Variants in NRXN3 observed in about 807,000 individuals in gnomAD.
NRXN3 encodes neurexin III.
Under a neutral mutation model 137.6 loss-of-function variants are expected in NRXN3, and 32 were observed. The observed-to-expected ratio is 0.23, with a 90% CI of 0.18 to 0.31. The LOEUF (loss-of-function observed/expected upper bound fraction) is 0.31. Ranked by LOEUF, NRXN3 falls within the 10% of genes least tolerant of loss-of-function variation. The pLI is 1.00. For missense variants in NRXN3, 1,574 were observed against 2,062.5 expected, an observed-to-expected ratio of 0.76 and a Z score of 4.59; for synonymous variants, 798 against 784.5, an observed-to-expected ratio of 1.02 and a Z score of -0.29.
chr14:79,652,541 G>A (rs1017057743), intron 16 of NRXN3, among the ~76,000 whole-genome samples: 2 of 152,036 alleles, frequency 1.3e-5, no homozygotes, highest in African/African-American at 4.8e-5. Context: ...TTATACTTTG[G>A]TAGGGATACT....
At chr14:79,340,739 C>T (rs1048776842) in intron 15 of NRXN3, among the ~76,000 whole-genome samples, 19 of 152,224 alleles carry the variant, frequency 1.2e-4, no homozygotes, top group African/African-American at 4.6e-4. Context: ...GCTGGGATTA[C>T]AGGCGTAAGC....
At chr14:79,231,201 G>C (rs1245914338) in intron 15 of NRXN3, among the ~76,000 whole-genome samples, 1 of 152,024 alleles carries the variant, frequency 6.6e-6, no homozygotes, top group African/African-American at 2.4e-5. Context: ...TTATTTTATT[G>C]GGTAGAAGAA....
intron 16 of NRXN3, among the ~76,000 whole-genome samples, chr14:79,608,076 G>A (rs2098046345): frequency 6.6e-6 from 1 of 152,146 alleles, no homozygotes; most frequent in African/African-American, 2.4e-5. Context: ...TCAACATCTG[G>A]TTTTATTGAT....
intron 16 of NRXN3, among the ~76,000 whole-genome samples, chr14:79,633,564 A>G (rs1290778583): frequency 6.8e-6 from 1 of 146,656 alleles, no homozygotes; most frequent in Admixed American, 6.7e-5. Flanking sequence ...TGCTCAATAA[A>G]TATTTATCAA....
At chr14:79,632,724 T>C (rs80170917) in intron 16 of NRXN3, among the ~76,000 whole-genome samples, 30 of 151,912 alleles carry the variant, frequency 2.0e-4, no homozygotes, top group Non-Finnish European at 3.8e-4. Flanking sequence ...AAGTATTTTA[T>C]ATATATTATT....
At chr14:78,443,050 A>G (rs1387001373) in intron 4 of NRXN3, among the ~76,000 whole-genome samples, 1 of 152,212 alleles carries the variant, frequency 6.6e-6, no homozygotes, top group Non-Finnish European at 1.5e-5. Context: ...ACGCTAAACC[A>G]TCTTTTGGTT....
intron 4 of NRXN3, among the ~76,000 whole-genome samples, chr14:78,384,852 C>T (rs1379761579): frequency 3.3e-5 from 5 of 152,086 alleles, no homozygotes; most frequent in East Asian, 1.9e-4. Flanking sequence ...GAATGCTGCT[C>T]GTTTTATCCG....
chr14:79,466,408 A>G (rs2096424176), intron 15 of NRXN3, among the ~76,000 whole-genome samples: 8 of 152,192 alleles, frequency 5.3e-5, no homozygotes. Context: ...TAACATGGTG[A>G]AACTCCGTCT....
intron 4 of NRXN3, among the ~76,000 whole-genome samples, chr14:78,419,425 G>A (rs2093324910): frequency 6.6e-6 from 1 of 152,000 alleles, no homozygotes; most frequent in South Asian, 2.1e-4. Context: ...TTTTAGTAGA[G>A]ATGGGGTTTC....
At chr14:78,973,177 C>A (rs774123762) in intron 14 of NRXN3, among the ~76,000 whole-genome samples, 1 of 152,138 alleles carries the variant, frequency 6.6e-6, no homozygotes, top group South Asian at 2.1e-4. Flanking sequence ...CATCCCATAC[C>A]GTGACTATAC....
chr14:79,489,305 A>C lies in NRXN3; in HGVS notation c.3444+21903A>C, dbSNP rs149850572. ...ATATTTTCTCCTCTCATGCTTTCCT[A>C]CCTGCTCATATGATGAACCACATAG... On this transcript the variant is annotated intron_variant, in intron 16 of 20. Coordinates refer to ENST00000335750, the MANE Select transcript of NRXN3 (RefSeq NM_001330195.2). 4.5e-4 allele frequency among the ~76,000 whole-genome samples: 69 copies of C among 152,014 alleles called. 1 individual carries two copies. Among genetic ancestry groups the C allele is most frequent in the African/African-American group, 1.5e-3 (64 of 41,462 alleles).
intron 15 of NRXN3, among the ~76,000 whole-genome samples, chr14:79,202,201 C>T (rs1003958104): frequency 6.6e-6 from 1 of 151,640 alleles, no homozygotes; most frequent in African/African-American, 2.4e-5. Flanking sequence ...TTTCAGGAGG[C>T]TCAGTTTTAT....
chr14:78,715,189 G>A (rs1375594147), intron 8 of NRXN3, 50 bp downstream of exon 8: 3 of 1,571,142 alleles, frequency 1.9e-6, no homozygotes, highest in Non-Finnish European at 2.6e-6. Context: ...GGGCTGATGT[G>A]TTACAGTTGG....
chr14:78,398,456 C>G (rs1483670678), intron 4 of NRXN3, among the ~76,000 whole-genome samples: 1 of 152,184 alleles, frequency 6.6e-6, no homozygotes, highest in Admixed American at 6.5e-5. Context: ...GGGGAACCAC[C>G]TCCTTACTAT....
chr14:79,200,514 G>A (rs921575712), intron 15 of NRXN3, among the ~76,000 whole-genome samples: 11 of 152,104 alleles, frequency 7.2e-5, no homozygotes, highest in Non-Finnish European at 1.0e-4. Flanking sequence ...AGATGAAGAT[G>A]GAAGGAAATG....
chr14:78,985,501 A>T (rs142524689), intron 14 of NRXN3, among the ~76,000 whole-genome samples: 50 of 152,342 alleles, frequency 3.3e-4, no homozygotes, highest in African/African-American at 1.1e-3. Context: ...TTATTGACTA[A>T]TGTTTCATTT....
intron 4 of NRXN3, among the ~76,000 whole-genome samples, chr14:78,556,914 CCT>C (rs2096743064): frequency 8.5e-6 from 1 of 118,208 alleles, no homozygotes; most frequent in Non-Finnish European, 1.8e-5. Context: ...TCCCCCTCCC[CCT>C]TCCCCTCCTC....
chr14:78,550,243 C>T (rs1399638107), intron 4 of NRXN3, among the ~76,000 whole-genome samples: 2 of 152,064 alleles, frequency 1.3e-5, no homozygotes, highest in African/African-American at 2.4e-5. Flanking sequence ...GCATATTTCC[C>T]AGGCTGGAAT....
At chr14:78,405,295 T>A (rs572713327) in intron 4 of NRXN3, among the ~76,000 whole-genome samples, 1 of 152,038 alleles carries the variant, frequency 6.6e-6, no homozygotes, top group Non-Finnish European at 1.5e-5. Context: ...GGGTTGAATG[T>A]TTTGCCCTTT....
Sources: allele counts gnomAD v4.1 joint callset (sites outside exome capture counted in the v4.1 genomes callset), GRCh38; gene constraint gnomAD v4.1.1; transcripts MANE v1.5; gene names NCBI Gene and HGNC (gene_info 2026-07-23, HGNC 2026-07-21).